The following DNAJB14 variants were observed in gnomAD, a reference collection of about 807,000 sequenced individuals.
DNAJB14 encodes dnaJ homolog subfamily B member 14.
Under a neutral mutation model 48.4 loss-of-function variants are expected in DNAJB14, and 22 were observed. The ratio of observed to expected loss-of-function variants is 0.45; its 90% CI spans 0.32 to 0.65. The LOEUF (loss-of-function observed/expected upper bound fraction) is 0.65. DNAJB14 is among the 30% of genes least tolerant of loss of function. The probability of loss-of-function intolerance (pLI) is 0.03; values close to 1 mark genes in which losing one functional copy is unlikely to be tolerated. For synonymous variants in DNAJB14, 142 were observed against 158.7 expected (o/e 0.89, Z 0.79); for missense variants, 319 against 458.8 (o/e 0.70, Z 2.78).
At chr4:99,923,973 A>G in intron 2 of DNAJB14, 1 of 627,372 alleles carries the variant, frequency 1.6e-6, no homozygotes, top group Non-Finnish European at 2.0e-6. Context: ...TAAAGATTAT[A>G]TACATACAGT....
intron 1 of DNAJB14, among the ~76,000 whole-genome samples, chr4:99,932,174 G>A (rs1726499221): frequency 6.6e-6 from 1 of 151,532 alleles, no homozygotes; most frequent in Non-Finnish European, 1.5e-5. Flanking sequence ...AGAGAAAATG[G>A]GCTTTATCAA....
chr4:99,915,447 AAT>A (rs753927215), intron 3 of DNAJB14, among the ~76,000 whole-genome samples: 1 of 152,080 alleles, frequency 6.6e-6, no homozygotes, highest in Non-Finnish European at 1.5e-5. Context: ...AAGTTAGATC[AAT>A]ATGTTTTTTC....
intron 3 of DNAJB14, among the ~76,000 whole-genome samples, chr4:99,912,969 A>G (rs1440458701): frequency 6.6e-6 from 1 of 152,186 alleles, no homozygotes; most frequent in Non-Finnish European, 1.5e-5. Context: ...ATGTATTATT[A>G]ATTTTAGTGT....
At chr4:99,931,561 A>G (rs951802409) in intron 1 of DNAJB14, among the ~76,000 whole-genome samples, 2 of 152,108 alleles carry the variant, frequency 1.3e-5, no homozygotes, top group African/African-American at 2.4e-5. Context: ...AGTAACTGAT[A>G]TAAGGTAAAT....
At chr4:99,915,525 G>C (rs569280239) in intron 3 of DNAJB14, among the ~76,000 whole-genome samples, 2 of 152,284 alleles carry the variant, frequency 1.3e-5, no homozygotes, top group East Asian at 3.9e-4. Flanking sequence ...AGTTTCCAAG[G>C]ACTGGACGTT....
At chr4:99,922,900 A>G in intron 3 of DNAJB14, 140 bp downstream of exon 3, 1 of 954,862 alleles carries the variant, frequency 1.0e-6, no homozygotes, top group Non-Finnish European at 1.5e-6. Flanking sequence ...TTAATACTGA[A>G]GTTTTAAAGG....
rs149863007 is a variant in DNAJB14, at chr4:99,940,002, C to T, written c.133+6437G>A. ...TTATTTTATGCATTTACCTTCCAGA[C>T]GTACTGCTCTACTAGGAGTTTTAAC... On this transcript the variant is annotated intron_variant, in intron 1 of 7. Coordinates refer to ENST00000442697, the MANE Select transcript of DNAJB14 (RefSeq NM_001031723.4). Among the ~76,000 whole-genome samples the T allele has an allele frequency of 8.6e-3, 1,312 of 152,252 alleles. 12 individuals are homozygous for T. The highest frequency in any genetic ancestry group is 0.029 in the African/African-American group (1,208 of 41,552).
At chr4:99,905,935 G>C (rs1284466274) in intron 5 of DNAJB14, 1 of 1,342,090 alleles carries the variant, frequency 7.5e-7, no homozygotes, top group East Asian at 3.0e-5. Context: ...TCATTTTATA[G>C]ATGAGGAAGT....
chr4:99,921,821 A>G (rs753079010), intron 3 of DNAJB14, among the ~76,000 whole-genome samples: 3 of 152,182 alleles, frequency 2.0e-5, no homozygotes, highest in Non-Finnish European at 4.4e-5. Flanking sequence ...TCCATCAGAA[A>G]TTTCCCAACT....
In DNAJB14 at chr4:99,901,300, T is replaced by C. The variant is rs543558748; in HGVS notation, c.1016-148A>G. 127 of 712,472 alleles carry C rather than the reference T, an allele frequency of 1.8e-4. 1 individual carries two copies. The South Asian group carries it at 3.4e-3, about 19-fold the overall frequency. The allele number at this position is 712,472 out of a possible 1,614,324, so 44.1% of individuals were successfully genotyped here. A position where few individuals can be genotyped will look rare whatever the true frequency, so the allele number is the denominator to read the frequency against. ...AAAGTACAATTCCTAAAAGCCATTT[T>C]AGTAGGAAAAAAATTTTAATGAAAA... On this transcript the variant is annotated intron_variant, in intron 7 of 7. Transcript: ENST00000442697.
At chr4:99,939,136 T>C (rs1578239533) in intron 1 of DNAJB14, among the ~76,000 whole-genome samples, 1 of 152,052 alleles carries the variant, frequency 6.6e-6, no homozygotes, top group Non-Finnish European at 1.5e-5. Flanking sequence ...TTGAGGTGGG[T>C]AGATCACCTA....
At chr4:99,925,688 C>T (rs947332849) in intron 2 of DNAJB14, 4 of 151,896 alleles carry the variant, frequency 2.6e-5, no homozygotes, top group Non-Finnish European at 4.4e-5. Flanking sequence ...GTCAAAATCA[C>T]ATTAAATTTA....
At chr4:99,905,737 G>A in intron 5 of DNAJB14, 31 bp from the exon 6 acceptor site, 1 of 1,585,366 alleles carries the variant, frequency 6.3e-7, no homozygotes, top group Non-Finnish European at 8.7e-7. Context: ...ATAACAAATT[G>A]TAATATAACT....
intron 4 of DNAJB14, among the ~76,000 whole-genome samples, chr4:99,907,095 CAAGTTGTTTTCATAT>C (rs1205979311): frequency 1.3e-5 from 2 of 152,092 alleles, no homozygotes; most frequent in Non-Finnish European, 2.9e-5. Flanking sequence ...GATAAACATT[CAAGTTGTTTTCATAT>C]AAGATGACCA....
At chr4:99,905,850 G>C (rs1164288075) in intron 5 of DNAJB14, 144 bp from the exon 6 acceptor site, 1 of 1,253,632 alleles carries the variant, frequency 8.0e-7, no homozygotes, top group East Asian at 2.6e-5. Flanking sequence ...ATGCCAATAG[G>C]ATGATTCTTA....
Position 99,898,787 on chromosome 4 carries a change from T to C in DNAJB14, c.*2241A>G, listed in dbSNP as rs1560726616. ...TGGCAAAATGTTGGGATTTTTATTATAAAAAAAGCAGCAAACATGAAAATC... is the reference window on the plus strand; with the variant it reads ...TGGCAAAATGTTGGGATTTTTATTACAAAAAAAGCAGCAAACATGAAAATC... On this transcript the variant is annotated 3_prime_UTR_variant, in exon 8 of 8. Coordinates refer to ENST00000442697, the MANE Select transcript of DNAJB14 (RefSeq NM_001031723.4). 6.6e-6 allele frequency: 1 copy of C among 151,862 alleles called. No individual in the cohort carries two copies. The highest frequency in any genetic ancestry group is 1.5e-5 in the Non-Finnish European group (1 of 67,778). The allele number at this position is 151,862 out of a possible 1,614,324, so 9.4% of individuals were successfully genotyped here.
intron 3 of DNAJB14, among the ~76,000 whole-genome samples, chr4:99,919,373 A>G (rs973092198): frequency 6.6e-6 from 1 of 152,130 alleles, no homozygotes; most frequent in Non-Finnish European, 1.5e-5. Context: ...TCACGAGGTC[A>G]GGAGTTCAAG....
chr4:99,939,875 C>T (rs981678065), intron 1 of DNAJB14, among the ~76,000 whole-genome samples: 6 of 152,208 alleles, frequency 3.9e-5, no homozygotes, highest in Non-Finnish European at 8.8e-5. Flanking sequence ...TTAGCTATCA[C>T]ATGGGATCTC....
At position 99,928,285 on chromosome 4, in the gene DNAJB14, T is replaced by C. The variant is rs988726327; in HGVS notation, c.305+2165A>G. On this transcript the variant is annotated intron_variant, in intron 2 of 7. Transcript: ENST00000442697. ...TCAACCTCATCTCTTTTCTTCTAAC[T>C]CTCAGAAGACAGCCTCATCTCCAAT... The C allele has an allele frequency of 1.6e-4, 24 of 154,548 alleles. 1 individual carries two copies. Among genetic ancestry groups the C allele is most frequent in the African/African-American group, 5.5e-4 (23 of 41,656 alleles). The allele number at this position is 154,548 out of a possible 1,614,324, so 9.6% of individuals were successfully genotyped here.
Sources: gnomAD v4.1 joint callset for allele counts (sites outside exome capture counted in the v4.1 genomes callset) on GRCh38, gnomAD v4.1.1 for gene constraint, MANE v1.5 for transcripts, NCBI Gene and HGNC (gene_info 2026-07-23, HGNC 2026-07-21) for gene names.